Variants in TXNIP observed in about 807,000 individuals in gnomAD.
TXNIP encodes the protein thioredoxin-interacting protein.
In TXNIP, 23 loss-of-function variants were observed where a neutral mutation model predicts 43.9. The ratio of observed to expected loss-of-function variants is 0.52; its 90% CI spans 0.38 to 0.74. The LOEUF (loss-of-function observed/expected upper bound fraction) is 0.74, where lower values mean the gene tolerates loss of function less well. Among genes scored for constraint, TXNIP ranks in the 30% least tolerant of loss-of-function variants. The pLI, the probability that TXNIP is intolerant of heterozygous loss-of-function variation, is 0.00. For synonymous variants in TXNIP, 234 were observed against 172.2 expected (o/e 1.36, Z -2.81); for missense variants, 555 against 485.4 (o/e 1.14, Z -1.35).
Position 145,994,393 on chromosome 1 carries a change from C to T in TXNIP, c.876G>A (p.Leu292=). The T allele has an allele frequency of 6.2e-7, 1 of 1,614,102 alleles. No individual in the cohort carries two copies. The highest frequency in any genetic ancestry group is 1.7e-5 in the Admixed American group (1 of 59,988). Residue 292 remains leucine (L), a synonymous_variant, in exon 6 of 8, where the codon CTG becomes CTA. Transcript: ENST00000582401. ...CTGATCTGCTGCCAATTACCAGGGGCAGGTCAAGGATGACCTTCTTGGATC... is the reference window on the plus strand; with the variant it reads ...CTGATCTGCTGCCAATTACCAGGGGTAGGTCAAGGATGACCTTCTTGGATC... ...VPGSKKVILD[L]PLVIGSRSGL... is the part of the protein sequence containing the mutation.
At position 145,993,775 on chromosome 1, in the gene TXNIP, C is replaced by T; in HGVS notation, c.*76G>A. 2 of 1,561,680 alleles carry T rather than the reference C, an allele frequency of 1.3e-6. No individual in the cohort carries two copies. The highest frequency in any genetic ancestry group is 1.4e-5 in the African/African-American group (1 of 73,870). ...CACTCCATTGCAGAGACTGTTGAGTCTCTGAAAAAGTGAGTGTCCAGGAAG... is the reference window on the plus strand; with the variant it reads ...CACTCCATTGCAGAGACTGTTGAGTTTCTGAAAAAGTGAGTGTCCAGGAAG... On this transcript the variant is annotated 3_prime_UTR_variant, in exon 8 of 8. Coordinates refer to ENST00000582401, the MANE Select transcript of TXNIP (RefSeq NM_006472.6).
rs1553766548 is a variant in TXNIP at position 145,996,097 on chromosome 1, A to T, written c.170T>A (p.Met57Lys). The change falls in exon 1 of 8, where the codon ATG becomes AAG. Residue 57 changes from methionine (M) to lysine (K), a missense_variant. Physicochemically the swap from Met to Lys is moderately conservative, Grantham distance 95. Coordinates refer to ENST00000582401, the MANE Select transcript of TXNIP (RefSeq NM_006472.6). ...LACGVAKVLW[M>K]QGSQQCKQTS... is the part of the protein sequence containing the mutation. ...CTGTTTGCACTGCTGGGATCCCTGC[A>T]TCCAAAGCACTTTAGCCACTCCGCA... 6.2e-7 allele frequency: 1 copy of T among 1,614,148 alleles called. No homozygotes were observed. The highest frequency in any genetic ancestry group is 8.5e-7 in the Non-Finnish European group (1 of 1,180,028).
chr1:145,996,012 C>T lies in TXNIP; in HGVS notation c.250+5G>A. On this transcript the variant is annotated splice_donor_5th_base_variant and intron_variant, in intron 1 of 7. Transcript: ENST00000582401. ...CACCCTCCAACAATGAATTGGGCCG[C>T]TTACCTGTTGGCTGGTCTTCCAGAA... 5 of 1,612,654 alleles carry T rather than the reference C, an allele frequency of 3.1e-6. No individual in the cohort carries two copies. Among genetic ancestry groups the T allele is most frequent in the Non-Finnish European group, 4.2e-6 (5 of 1,179,418 alleles).
chr1:145,994,648 T>C lies in TXNIP; in HGVS notation c.727A>G (p.Ile243Val), dbSNP rs1490572849. Residue 243 changes from isoleucine (I) to valine (V), a missense_variant, in exon 5 of 8, where the codon ATC (isoleucine) becomes GTC (valine). Transcript: ENST00000582401. ...CGCCATGATGCGCATGTCCCTGAGA[T>C]AATATGATTGCCTCTGACTGATGAC... is the stretch of plus-strand genomic sequence containing the variant. ...KLSSVRGNHI[I>V]SGTCASWRGK... is the part of the protein sequence containing the mutation. 2.5e-6 allele frequency: 4 copies of C among 1,614,158 alleles called. No homozygotes were observed. The highest frequency in any genetic ancestry group is 3.4e-6 in the Non-Finnish European group (4 of 1,180,030).
In TXNIP at chr1:145,994,759, A is replaced by C. The variant is rs782143507; in HGVS notation, c.616T>G (p.Ser206Ala). The C allele has an allele frequency of 6.2e-7, 1 of 1,614,198 alleles. No individual in the cohort carries two copies. The highest frequency in any genetic ancestry group is 8.5e-7 in the Non-Finnish European group (1 of 1,180,034). The change falls in exon 5 of 8, where the codon TCC becomes GCC. Residue 206 changes from serine to alanine, a missense_variant. Transcript: ENST00000582401. The stretch of plus-strand genomic sequence containing the variant: ...GCAGCTTTGGGGACCACAATTCGGG[A>C]ACATGTATTCTCAAAGTCAGCATGG... ...SIHADFENTC[S>A]RIVVPKAAIV...
In TXNIP at chr1:145,993,381, A is replaced by G. The variant is rs1272484245; in HGVS notation, c.*470T>C. The G allele has an allele frequency of 6.4e-6, 1 of 155,226 alleles. No homozygotes were observed. Among genetic ancestry groups the G allele is most frequent in the Non-Finnish European group, 1.4e-5 (1 of 69,754 alleles). The allele number at this position is 155,226 out of a possible 1,614,324, so 9.6% of individuals were successfully genotyped here. ...CTGATTTTAAGAACCTCCTTTTCCCAAAGTTTTGGCCACAATTTCCCTTTT... is the reference window on the plus strand; with the variant it reads ...CTGATTTTAAGAACCTCCTTTTCCCGAAGTTTTGGCCACAATTTCCCTTTT... On this transcript the variant is annotated 3_prime_UTR_variant, in exon 8 of 8. Coordinates refer to ENST00000582401, the MANE Select transcript of TXNIP (RefSeq NM_006472.6).
chr1:145,994,377 T>C lies in TXNIP; in HGVS notation c.892A>G (p.Ser298Gly). The C allele has an allele frequency of 5.0e-6, 8 of 1,614,192 alleles. No individual in the cohort carries two copies. Among genetic ancestry groups the C allele is most frequent in the Non-Finnish European group, 5.9e-6 (7 of 1,180,038 alleles). ...VILDLPLVIGSRSGLSSRTSS... is the reference protein window; with the variant it reads ...VILDLPLVIGGRSGLSSRTSS... ...GTTCTGCTGCTTAGACCTGATCTGC[T>C]GCCAATTACCAGGGGCAGGTCAAGG... is the stretch of plus-strand genomic sequence containing the variant. Residue 298 changes from serine to glycine, a missense_variant, in exon 6 of 8, where the codon AGC becomes GGC. Coordinates refer to ENST00000582401, the MANE Select transcript of TXNIP (RefSeq NM_006472.6).
chr1:145,993,854 C>A lies in TXNIP; in HGVS notation c.1173G>T (p.Gln391His). ...CTGCTTCTTTTCTTCCACATGCTCACTGCACATTGTTGTTGAGGATGCAGG... is the reference window on the plus strand; with the variant it reads ...CTGCTTCTTTTCTTCCACATGCTCAATGCACATTGTTGTTGAGGATGCAGG... ...VDPCILNNNVQ is the reference protein window; with the variant it reads ...VDPCILNNNVH Residue 391 changes from glutamine to histidine, a missense_variant, in exon 8 of 8, where the codon CAG (glutamine) becomes CAT (histidine). Gln to His is a conservative substitution (Grantham distance 24). Coordinates refer to ENST00000582401, the MANE Select transcript of TXNIP (RefSeq NM_006472.6). 6.2e-7 allele frequency: 1 copy of A among 1,614,158 alleles called. No individual in the cohort carries two copies. The highest frequency in any genetic ancestry group is 1.1e-5 in the South Asian group (1 of 91,074).
At chr1:145,995,895 GCAA>G in intron 1 of TXNIP, 119 bp downstream of exon 1, 1 of 1,213,278 alleles carries the variant, frequency 8.2e-7, no homozygotes, top group East Asian at 2.4e-5. Context: ...AAAAAAGGAA[GCAA>G]CAACACGTAA....
Position 145,995,139 on chromosome 1 carries a change from C to G in TXNIP, c.471+5G>C. The G allele has an allele frequency of 2.5e-6, 4 of 1,614,064 alleles. No homozygotes were observed. Among genetic ancestry groups the G allele is most frequent in the Non-Finnish European group, 3.4e-6 (4 of 1,179,988 alleles). On this transcript the variant is annotated splice_donor_5th_base_variant and intron_variant, in intron 3 of 7. Coordinates refer to ENST00000582401, the MANE Select transcript of TXNIP (RefSeq NM_006472.6). ...GGAGAATAGAATCTTTAAAATGGATCTCACCATTAAATCAGGGGTATTGAC... is the reference window on the plus strand; with the variant it reads ...GGAGAATAGAATCTTTAAAATGGATGTCACCATTAAATCAGGGGTATTGAC...
rs782695925 is a variant in TXNIP at position 145,993,802 on chromosome 1, G to A, written c.*49C>T. On this transcript the variant is annotated 3_prime_UTR_variant, in exon 8 of 8. Transcript: ENST00000582401. ...CTGAAAAAGTGAGTGTCCAGGAAGA[G>A]AGACAAAAAGAAACAAGTAGGTAAA... 6 of 1,609,806 alleles carry A rather than the reference G, an allele frequency of 3.7e-6. No homozygotes were observed. Among genetic ancestry groups the A allele is most frequent in the Middle Eastern group, 1.7e-4 (1 of 6,050 alleles).
rs782691582 is a variant in TXNIP, at chr1:145,994,553, A to G, written c.822T>C (p.Tyr274=). 6.2e-7 allele frequency: 1 copy of G among 1,614,238 alleles called. No individual in the cohort carries two copies. The highest frequency in any genetic ancestry group is 8.5e-7 in the Non-Finnish European group (1 of 1,180,036). Reference sequence around the variant, plus strand: ...CCCTGCATCTACCCACCAGTAAGGAATATTCAACTCGAAGGATGTTGCAGC... The same window carrying G: ...CCCTGCATCTACCCACCAGTAAGGAGTATTCAACTCGAAGGATGTTGCAGC... ...ILGCNILRVE[Y]SLLIYVSVPG... is the part of the protein sequence containing the mutation. Residue 274 remains tyrosine, a synonymous_variant, in exon 5 of 8, where the codon TAT becomes TAC. Coordinates refer to ENST00000582401, the MANE Select transcript of TXNIP (RefSeq NM_006472.6).
In TXNIP at chr1:145,995,220, G is replaced by C. The variant is rs371595311; in HGVS notation, c.395C>G (p.Pro132Arg). Residue 132 changes from proline to arginine, a missense_variant, in exon 3 of 8, where the codon CCG becomes CGG. Coordinates refer to ENST00000582401, the MANE Select transcript of TXNIP (RefSeq NM_006472.6). The part of the protein sequence containing the change: ...DYWVKAFLDR[P>R]SQPTQETKKN... ...CTTTGTCTCTTGAGTTGGCTGGCTC[G>C]GGCGGTCAAGAAAAGCCTTCACCCA... is the stretch of plus-strand genomic sequence containing the variant. 6.8e-6 allele frequency: 11 copies of C among 1,613,986 alleles called. No individual in the cohort carries two copies. Among genetic ancestry groups the C allele is most frequent in the Middle Eastern group, 1.6e-4 (1 of 6,062 alleles).
rs782477568 is a variant in TXNIP at position 145,996,203 on chromosome 1, C to T, written c.64G>A (p.Gly22Ser). 1.2e-6 allele frequency: 2 copies of T among 1,613,992 alleles called. No individual in the cohort carries two copies. Among genetic ancestry groups the T allele is most frequent in the Non-Finnish European group, 1.7e-6 (2 of 1,180,002 alleles). Residue 22 changes from glycine to serine, a missense_variant, in exon 1 of 8, where the codon GGC (glycine) becomes AGC (serine). Transcript: ENST00000582401. ...CGGCCAGCCACCTTCTCGCCACTGC[C>T]GTACACCTTTTCAGGGTCGTTAAAG... ...VVFNDPEKVY[G>S]SGEKVAGRVI...
rs1338837109 is a variant in TXNIP at position 145,996,493 on chromosome 1, C to A, written c.-227G>T. The A allele has an allele frequency of 1.4e-5, 6 of 439,226 alleles. No homozygotes were observed. Among genetic ancestry groups the A allele is most frequent in the Non-Finnish European group, 1.6e-5 (4 of 247,500 alleles). The allele number at this position is 439,226 out of a possible 1,614,324, so 27.2% of individuals were successfully genotyped here. On this transcript the variant is annotated 5_prime_UTR_variant, in exon 1 of 8. Coordinates refer to ENST00000582401, the MANE Select transcript of TXNIP (RefSeq NM_006472.6). ...CGCCGCTGGTTACACTAAGCTAATT[C>A]AGAGAAAAAGCCTTCTTTCCCCCAA...
chr1:145,995,338 A>C (rs782023848), intron 2 of TXNIP, 47 bp from the exon 3 acceptor site: 1 of 1,610,852 alleles, frequency 6.2e-7, no homozygotes, highest in Non-Finnish European at 8.5e-7. Flanking sequence ...AAGAACAGTA[A>C]GTGATCAAAG....
Position 145,993,892 on chromosome 1 carries a change from G to A in TXNIP, c.1141-6C>T, listed in dbSNP as rs782603294. 4 of 1,613,942 alleles carry A rather than the reference G, an allele frequency of 2.5e-6. No individual in the cohort carries two copies. The highest frequency in any genetic ancestry group is 2.2e-5 in the East Asian group (1 of 44,874). On this transcript the variant is annotated splice_polypyrimidine_tract_variant and splice_region_variant and intron_variant, in intron 7 of 7. Coordinates refer to ENST00000582401, the MANE Select transcript of TXNIP (RefSeq NM_006472.6). ...TTGAGGATGCAGGGATCCACCTAAAGAAAGAAACAGACTATTTCAGTTCAG... is the reference window on the plus strand; with the variant it reads ...TTGAGGATGCAGGGATCCACCTAAAAAAAGAAACAGACTATTTCAGTTCAG...
chr1:145,995,701 G>T, intron 1 of TXNIP: 1 of 617,704 alleles, frequency 1.6e-6, no homozygotes, highest in Non-Finnish European at 2.8e-6. Flanking sequence ...ATTCACCCAG[G>T]ACAGTTCTCT....
chr1:145,994,587 G>A lies in TXNIP; in HGVS notation c.788C>T (p.Ser263Phe). 6.2e-7 allele frequency: 1 copy of A among 1,614,200 alleles called. No homozygotes were observed. Among genetic ancestry groups the A allele is most frequent in the Non-Finnish European group, 8.5e-7 (1 of 1,180,030 alleles). Residue 263 changes from serine to phenylalanine, a missense_variant, in exon 5 of 8, where the codon TCT becomes TTT. Coordinates refer to ENST00000582401, the MANE Select transcript of TXNIP (RefSeq NM_006472.6). ...KSLRVQKIRP[S>F]ILGCNILRVE... ...TCGAAGGATGTTGCAGCCCAGGATA[G>A]AAGGCCTGATCTTCTGAACCCGAAG...
Sources: gnomAD v4.1 joint callset for allele counts on GRCh38, gnomAD v4.1.1 for gene constraint, MANE v1.5 for transcripts, NCBI Gene and HGNC (gene_info 2026-07-23, HGNC 2026-07-21) for gene names.